LPP: variants seen among roughly 807,000 people sequenced by gnomAD.
LPP encodes the protein lipoma-preferred partner.
A neutral mutation model predicts 60.4 loss-of-function variants in LPP; 38 were observed. That is an observed-to-expected ratio of 0.63 (90% CI 0.49 to 0.83). LPP has a LOEUF of 0.83. LPP is among the 40% of genes least tolerant of loss of function. The pLI, the probability that LPP is intolerant of heterozygous loss-of-function variation, is 0.00. For synonymous variants in LPP, 328 were observed against 290.8 expected, an observed-to-expected ratio of 1.13 and a Z score of -1.30; for missense variants, 902 against 783.6, an observed-to-expected ratio of 1.15 and a Z score of -1.80.
intron 2 of LPP, among the ~76,000 whole-genome samples, chr3:188,252,075 T>C (rs58849241): frequency 0.17 from 9,889 of 57,934 alleles, 1,537 homozygotes; most frequent in African/African-American, 0.41. Context: ...TATATATATA[T>C]ACACACACAC....
chr3:188,490,751 A>ATTTTTTTTTTTTTTTTTTTTTTTTTTTT (rs58700818), intron 5 of LPP, among the ~76,000 whole-genome samples: 1 of 91,746 alleles, frequency 1.1e-5, no homozygotes, highest in Non-Finnish European at 2.1e-5. Context: ...TGGCACTGGA[A>ATTTTTTTTTTTTTTTTTTTTTTTTTTTT]TTTTTTTTTT....
intron 1 of LPP, among the ~76,000 whole-genome samples, chr3:188,199,819 A>G (rs1004772940): frequency 4.6e-5 from 7 of 151,504 alleles, no homozygotes; most frequent in African/African-American, 1.2e-4. Context: ...GGTTCAAGAC[A>G]TTCTCCTGCC....
At chr3:188,792,794 C>G (rs1744185355) in intron 9 of LPP, among the ~76,000 whole-genome samples, 1 of 152,058 alleles carries the variant, frequency 6.6e-6, no homozygotes, top group African/African-American at 2.4e-5. Flanking sequence ...AGTCACCCAC[C>G]CTGATCACAA....
intron 2 of LPP, among the ~76,000 whole-genome samples, chr3:188,324,815 C>G (rs1019315400): frequency 1.3e-5 from 2 of 152,058 alleles, no homozygotes. Context: ...TGCAGAAGGT[C>G]CCTGACTTAT....
intron 3 of LPP, among the ~76,000 whole-genome samples, chr3:188,369,911 C>T (rs1405777226): frequency 6.6e-6 from 1 of 152,146 alleles, no homozygotes; most frequent in Non-Finnish European, 1.5e-5. Flanking sequence ...GCCCCACAGG[C>T]TAAGTCACTG....
chr3:188,698,634 G>A (rs1355084992), intron 7 of LPP, among the ~76,000 whole-genome samples: 1 of 152,174 alleles, frequency 6.6e-6, no homozygotes. Flanking sequence ...TCTGCTCTGC[G>A]ACTCGCTTTT....
At position 188,609,740 on chromosome 3, in the gene LPP, G is replaced by T. The variant is rs757821882; in HGVS notation, c.1009G>T (p.Ala337Ser). Residue 337 changes from alanine (A) to serine (S), a missense_variant, in exon 7 of 12, where the codon GCA becomes TCA. Coordinates refer to ENST00000617246, the MANE Select transcript of LPP (RefSeq NM_001375462.1). The surrounding 1 kb of genome is among the most constrained non-coding windows in gnomAD (Gnocchi z 6.9). ...KREPGYTPPG[A>S]GNQNPPGMYP... ...GGAACCAGGGTACACTCCTCCTGGA[G>T]CAGGGAACCAGAACCCTCCTGGGAT... The T allele has an allele frequency of 6.8e-6, 11 of 1,614,132 alleles. No individual in the cohort carries two copies. The highest frequency in any genetic ancestry group is 9.3e-6 in the Non-Finnish European group (11 of 1,180,024).
chr3:188,800,964 C>T (rs1386806199), intron 9 of LPP, among the ~76,000 whole-genome samples: 1 of 152,140 alleles, frequency 6.6e-6, no homozygotes, highest in Non-Finnish European at 1.5e-5. Flanking sequence ...TAATTTGGAA[C>T]TCCTCCACAG....
chr3:188,874,441 A>G lies in LPP; in HGVS notation c.1801A>G (p.Ile601Val), dbSNP rs150544464. The G allele has an allele frequency of 3.3e-5, 54 of 1,614,092 alleles. No individual in the cohort carries two copies. Among genetic ancestry groups the G allele is most frequent in the Non-Finnish European group, 4.5e-5 (53 of 1,180,024 alleles). Residue 601 changes from isoleucine to valine, a missense_variant, in exon 12 of 12, where the codon ATC becomes GTC. Coordinates refer to ENST00000617246, the MANE Select transcript of LPP (RefSeq NM_001375462.1). ...CTGCAAGACCTGCAACTCTGCCCGC[A>G]TCAGGGTGTTGACCGCCAAGGCGAG... Reference protein sequence around the residue: ...ILCKTCNSARIRVLTAKASTD... With the variant: ...ILCKTCNSARVRVLTAKASTD...
chr3:188,793,229 CT>C (rs1295492125), intron 9 of LPP, among the ~76,000 whole-genome samples: 5 of 149,822 alleles, frequency 3.3e-5, no homozygotes, highest in Non-Finnish European at 5.9e-5. Context: ...GTCTCCCAGC[CT>C]GGAGTGCAGT....
intron 9 of LPP, among the ~76,000 whole-genome samples, chr3:188,844,134 GTTC>G (rs1301598426): frequency 6.6e-6 from 1 of 152,150 alleles, no homozygotes; most frequent in Non-Finnish European, 1.5e-5. Context: ...CTATGGATTT[GTTC>G]TTTCTGTCTT....
chr3:188,309,832 G>A (rs550169429), intron 2 of LPP, among the ~76,000 whole-genome samples: 12 of 152,186 alleles, frequency 7.9e-5, no homozygotes, highest in Non-Finnish European at 1.8e-4. Flanking sequence ...AATATTAGAA[G>A]AACTTGGCTA....
chr3:188,874,219 G>C, intron 11 of LPP, 132 bp from the exon 12 acceptor site: 1 of 681,830 alleles, frequency 1.5e-6, no homozygotes, highest in East Asian at 2.6e-5. Flanking sequence ...GGGATTAGCA[G>C]AATGTAAAGC....
At position 188,371,748 on chromosome 3, in the gene LPP, G is replaced by A. The variant is rs1489994915; in HGVS notation, c.-10+30029G>A. Among the ~76,000 whole-genome samples the A allele has an allele frequency of 2.1e-5, 3 of 140,596 alleles. No homozygotes were observed. The East Asian group carries it at 6.5e-4, about 30-fold the overall frequency. The allele number at this position is 140,596 out of a possible 152,430, so 92.2% of individuals were successfully genotyped here. A position where few individuals can be genotyped will look rare whatever the true frequency, so the allele number is the denominator to read the frequency against. ...CAACTCACCACAACCTCTGCTTCCT[G>A]GGTTCAAACGATTCTCCTGCCTCAG... On this transcript the variant is annotated intron_variant, in intron 3 of 11. Transcript: ENST00000617246.
At chr3:188,686,364 A>G (rs1860722474) in intron 7 of LPP, among the ~76,000 whole-genome samples, 1 of 152,122 alleles carries the variant, frequency 6.6e-6, no homozygotes, top group African/African-American at 2.4e-5. Context: ...AACTAAGGTA[A>G]CCCACTTCAG....
intron 5 of LPP, among the ~76,000 whole-genome samples, chr3:188,518,352 A>G (rs58118434): frequency 0.12 from 18,697 of 152,204 alleles, 3,077 homozygotes; most frequent in African/African-American, 0.37. Context: ...TGAAACTACC[A>G]TTGAAAAGAA....
At chr3:188,360,325 C>T (rs1768904274) in intron 3 of LPP, among the ~76,000 whole-genome samples, 1 of 152,146 alleles carries the variant, frequency 6.6e-6, no homozygotes, top group Non-Finnish European at 1.5e-5. Context: ...TGTTTATTAG[C>T]ACTTCTTTAA....
intron 7 of LPP, among the ~76,000 whole-genome samples, chr3:188,681,931 T>C (rs950256735): frequency 6.6e-6 from 1 of 152,220 alleles, no homozygotes; most frequent in Non-Finnish European, 1.5e-5. Flanking sequence ...AGGGAGTTTG[T>C]TGTGTTCACT....
At chr3:188,589,542 T>C (rs373981026) in intron 6 of LPP, among the ~76,000 whole-genome samples, 2 of 152,340 alleles carry the variant, frequency 1.3e-5, no homozygotes, top group African/African-American at 2.4e-5. Context: ...TAAAGCCCAA[T>C]AGATGTATTT....
Sources: allele counts gnomAD v4.1 joint callset (sites outside exome capture counted in the v4.1 genomes callset), GRCh38; gene constraint gnomAD v4.1.1; non-coding constraint Gnocchi (gnomAD v3.1); transcripts MANE v1.5; gene names NCBI Gene and HGNC (gene_info 2026-07-23, HGNC 2026-07-21).